ANTXR1: variants seen among roughly 807,000 people sequenced by gnomAD.
The protein encoded by ANTXR1 is anthrax toxin receptor 1.
In ANTXR1, 19 loss-of-function variants were observed where a neutral mutation model predicts 78.1. That is an observed-to-expected ratio of 0.24 (90% CI 0.17 to 0.36). ANTXR1 has a LOEUF of 0.36. Ranked by LOEUF, ANTXR1 falls within the 10% of genes least tolerant of loss-of-function variation. ANTXR1 has a pLI of 1.00. For missense variants in ANTXR1, 518 were observed against 718.6 expected (o/e 0.72, Z 3.19); for synonymous variants, 273 against 260.5 (o/e 1.05, Z -0.46).
At chr2:69,209,548 T>G (rs994300068) in intron 17 of ANTXR1, among the ~76,000 whole-genome samples, 2 of 152,262 alleles carry the variant, frequency 1.3e-5, no homozygotes, top group Non-Finnish European at 2.9e-5. Context: ...AAGTGTTAAG[T>G]GCTCTACTAA....
intron 9 of ANTXR1, among the ~76,000 whole-genome samples, chr2:69,097,226 G>A (rs993517755): frequency 1.6e-4 from 25 of 152,186 alleles, no homozygotes; most frequent in African/African-American, 6.0e-4. Flanking sequence ...ATGTAAGCAA[G>A]GATGCCAGGA....
At position 69,059,809 on chromosome 2, in the gene ANTXR1, C is replaced by T. The variant is rs145386293; in HGVS notation, c.297-10838C>T. On this transcript the variant is annotated intron_variant, in intron 3 of 17. Transcript: ENST00000303714. ...TTTATCTTGGTGGTCTGGGACAGAA[C>T]CCACAATATATCCAAGGTATGCCTG... is the stretch of plus-strand genomic sequence containing the variant. 2.9e-3 allele frequency among the ~76,000 whole-genome samples: 441 copies of T among 152,064 alleles called. 4 individuals carry two copies. The highest frequency in any genetic ancestry group is 0.01 in the African/African-American group (429 of 41,510).
intron 17 of ANTXR1, among the ~76,000 whole-genome samples, chr2:69,201,253 G>A (rs966718706): frequency 1.3e-5 from 2 of 152,172 alleles, no homozygotes; most frequent in Admixed American, 1.3e-4. Context: ...GGACATTTAA[G>A]CTAAGACAAG....
intron 12 of ANTXR1, among the ~76,000 whole-genome samples, chr2:69,146,704 T>G (rs1248420067): frequency 1.3e-5 from 2 of 152,218 alleles, no homozygotes; most frequent in Non-Finnish European, 2.9e-5. Flanking sequence ...TCTGAACTTG[T>G]GAGTCAGGGA....
In ANTXR1 at chr2:69,245,561, G is replaced by T; in HGVS notation, c.*76G>T. 2 of 1,585,042 alleles carry T rather than the reference G, an allele frequency of 1.3e-6. No individual in the cohort carries two copies. Among genetic ancestry groups the T allele is most frequent in the South Asian group, 1.1e-5 (1 of 87,198 alleles). On this transcript the variant is annotated 3_prime_UTR_variant, in exon 18 of 18. Coordinates refer to ENST00000303714, the MANE Select transcript of ANTXR1 (RefSeq NM_032208.3). ...AACAAGTCTTTCCAGTTAGAGAAGA[G>T]GAGTGGTGATAAAGCCCACTGACCT...
At chr2:69,132,698 A>G (rs750683627) in intron 12 of ANTXR1, among the ~76,000 whole-genome samples, 3 of 152,250 alleles carry the variant, frequency 2.0e-5, no homozygotes, top group Non-Finnish European at 2.9e-5. Flanking sequence ...TTTGGGACAG[A>G]CAATTCATTC....
chr2:69,047,075 G>A (rs574003976), intron 3 of ANTXR1, among the ~76,000 whole-genome samples: 98 of 152,180 alleles, frequency 6.4e-4, no homozygotes, highest in Admixed American at 2.6e-4. Flanking sequence ...TACAGTATTC[G>A]CAGGATGCAA....
intron 8 of ANTXR1, among the ~76,000 whole-genome samples, chr2:69,081,956 G>A (rs1268282213): frequency 6.6e-6 from 1 of 152,176 alleles, no homozygotes; most frequent in Non-Finnish European, 1.5e-5. Flanking sequence ...ACTTGTCCAA[G>A]GCCACACAGC....
At chr2:69,122,547 T>C (rs948746412) in intron 10 of ANTXR1, among the ~76,000 whole-genome samples, 1 of 152,076 alleles carries the variant, frequency 6.6e-6, no homozygotes, top group Non-Finnish European at 1.5e-5. Context: ...AGCACTTGAG[T>C]TCACTGCTAA....
intron 9 of ANTXR1, among the ~76,000 whole-genome samples, chr2:69,091,775 A>T (rs1273235525): frequency 6.6e-6 from 1 of 152,216 alleles, no homozygotes; most frequent in Non-Finnish European, 1.5e-5. Context: ...GTAGAGGGCC[A>T]TATAGTTTTG....
intron 11 of ANTXR1, among the ~76,000 whole-genome samples, chr2:69,123,675 G>C (rs983226602): frequency 6.6e-6 from 1 of 152,182 alleles, no homozygotes; most frequent in Admixed American, 6.5e-5. Flanking sequence ...CTAATTTATA[G>C]GGGAAAATCT....
chr2:69,205,493 G>A (rs1039716381), intron 17 of ANTXR1, among the ~76,000 whole-genome samples: 4 of 151,850 alleles, frequency 2.6e-5, no homozygotes, highest in Admixed American at 6.6e-5. Context: ...TTCCTCCTCC[G>A]CTTACAGCCA....
At chr2:69,144,032 A>G (rs1359951046) in intron 12 of ANTXR1, among the ~76,000 whole-genome samples, 1 of 152,248 alleles carries the variant, frequency 6.6e-6, no homozygotes, top group East Asian at 1.9e-4. Flanking sequence ...CTCAGCAGTA[A>G]TAAAATGGCT....
At chr2:69,114,885 C>T (rs1672091742) in intron 10 of ANTXR1, among the ~76,000 whole-genome samples, 1 of 152,202 alleles carries the variant, frequency 6.6e-6, no homozygotes, top group Admixed American at 6.5e-5. Context: ...CTACCCATCA[C>T]CTCTAAACTT....
intron 1 of ANTXR1, among the ~76,000 whole-genome samples, chr2:69,015,343 C>A (rs1670994165): frequency 6.7e-6 from 1 of 149,916 alleles, no homozygotes; most frequent in Admixed American, 6.7e-5. Context: ...TATTCTCTCT[C>A]CAAATATTAA....
At chr2:69,145,212 T>G in intron 12 of ANTXR1, 1 of 1,055,736 alleles carries the variant, frequency 9.5e-7, no homozygotes, top group Non-Finnish European at 1.4e-6. Flanking sequence ...GGGGGGCTGA[T>G]TCGCTTAAAC....
chr2:69,193,083 T>C (rs914102115), intron 16 of ANTXR1, among the ~76,000 whole-genome samples: 2 of 152,136 alleles, frequency 1.3e-5, no homozygotes, highest in African/African-American at 2.4e-5. Context: ...GTTTGCAAAC[T>C]TGGGGGGCAC....
chr2:69,014,457 G>C (rs774912761), intron 1 of ANTXR1, among the ~76,000 whole-genome samples: 1 of 152,184 alleles, frequency 6.6e-6, no homozygotes, highest in Non-Finnish European at 1.5e-5. Flanking sequence ...GGCTACCAGG[G>C]AGGTGCAGGA....
intron 14 of ANTXR1, chr2:69,172,337 C>T: frequency 6.3e-7 from 1 of 1,598,064 alleles, no homozygotes; most frequent in Non-Finnish European, 8.6e-7. Flanking sequence ...AGTTAGGCCA[C>T]CTAATCTCCT....
Sources: gnomAD v4.1 joint callset for allele counts (sites outside exome capture counted in the v4.1 genomes callset) on GRCh38, gnomAD v4.1.1 for gene constraint, MANE v1.5 for transcripts, NCBI Gene and HGNC (gene_info 2026-07-23, HGNC 2026-07-21) for gene names.